The following PTPRN2 variants were observed in gnomAD, a reference collection of about 807,000 sequenced individuals.
The protein encoded by PTPRN2 is protein tyrosine phosphatase receptor type N2.
A neutral mutation model predicts 118.8 loss-of-function variants in PTPRN2; 74 were observed. That is an observed-to-expected ratio of 0.62 (90% confidence interval 0.52 to 0.76). PTPRN2 has a LOEUF of 0.76. Ranked by LOEUF, PTPRN2 falls within the 30% of genes least tolerant of loss-of-function variation. PTPRN2 has a pLI of 0.00. For synonymous variants in PTPRN2, 641 were observed against 608.0 expected, an observed-to-expected ratio of 1.05 and a Z score of -0.80; for missense variants, 1,481 against 1,394.4, an observed-to-expected ratio of 1.06 and a Z score of -0.99.
At position 157,608,620 on chromosome 7, in the gene PTPRN2, G is replaced by GA. The variant is rs1802145818; in HGVS notation, c.2345-4546_2345-4545insT. ...CCATCCAGTTCCCGAGTCCCCTAAA[G>GA]GGCAGTTTCCTTGACGTGCGAGGCC... On this transcript the variant is annotated intron_variant, in intron 15 of 22. Coordinates refer to ENST00000389418, the MANE Select transcript of PTPRN2 (RefSeq NM_002847.5). Among the ~76,000 whole-genome samples, 3 of 152,176 alleles carry GA rather than the reference G, an allele frequency of 2.0e-5. No individual in the cohort carries two copies. The South Asian group carries it at 6.2e-4, about 32-fold the overall frequency.
At chr7:158,161,282 C>T (rs1327478395) in intron 6 of PTPRN2, among the ~76,000 whole-genome samples, 1 of 152,154 alleles carries the variant, frequency 6.6e-6, no homozygotes. Flanking sequence ...TGAAGAAGAA[C>T]AAAGGCGGAG....
Position 157,785,293 on chromosome 7 carries a change from C to T in PTPRN2, c.1789-102356G>A, listed in dbSNP as rs780518598. On this transcript the variant is annotated intron_variant, in intron 12 of 22. Coordinates refer to ENST00000389418, the MANE Select transcript of PTPRN2 (RefSeq NM_002847.5). The surrounding 1 kb of genome is among the most constrained non-coding windows in gnomAD (Gnocchi z 7.3). ...CGCCAAGGCCAGTGGTGTAAATCCA[C>T]ACTCTATGGTGACGGTGGATCCACA... Among the ~76,000 whole-genome samples, 2 of 152,188 alleles carry T rather than the reference C, an allele frequency of 1.3e-5. No individual in the cohort carries two copies. Among genetic ancestry groups the T allele is most frequent in the Admixed American group, 6.5e-5 (1 of 15,288 alleles).
At chr7:158,146,834 G>A (rs935885872) in intron 6 of PTPRN2, among the ~76,000 whole-genome samples, 5 of 151,998 alleles carry the variant, frequency 3.3e-5, no homozygotes, top group Admixed American at 2.0e-4. Flanking sequence ...TGTTTTGGAG[G>A]CCAGAGAGAC....
intron 13 of PTPRN2, among the ~76,000 whole-genome samples, chr7:157,661,453 G>C (rs1055194885): frequency 7.2e-5 from 11 of 152,010 alleles, no homozygotes; most frequent in African/African-American, 2.7e-4. Flanking sequence ...CTCTCCCTGC[G>C]GGCTTCCGCC....
At chr7:157,846,342 T>G (rs1482655356) in intron 12 of PTPRN2, among the ~76,000 whole-genome samples, 1 of 151,916 alleles carries the variant, frequency 6.6e-6, no homozygotes, top group Non-Finnish European at 1.5e-5. Context: ...GAACAGTCCG[T>G]TTCTCCTTCA....
chr7:158,073,402 T>A (rs1812092145), intron 11 of PTPRN2, among the ~76,000 whole-genome samples: 1 of 152,178 alleles, frequency 6.6e-6, no homozygotes, highest in Admixed American at 6.5e-5. Context: ...TGCGTTGGCT[T>A]CAGGGCCGCA....
chr7:157,922,742 C>T (rs4716809), intron 11 of PTPRN2, among the ~76,000 whole-genome samples: 34,985 of 152,120 alleles, frequency 0.23, 4,424 homozygotes, highest in East Asian at 0.37. Context: ...CTCGATGTCA[C>T]GGCACGCTGC....
chr7:157,893,735 A>G lies in PTPRN2; in HGVS notation c.1788+4938T>C, dbSNP rs900292684. ...TGCTCGGTGAATGGGTCAGGGCTGG[A>G]GACGTAGGCTTGGGATCATCATCGA... On this transcript the variant is annotated intron_variant, in intron 12 of 22. Coordinates refer to ENST00000389418, the MANE Select transcript of PTPRN2 (RefSeq NM_002847.5). The surrounding 1 kb of genome is among the most constrained non-coding windows in gnomAD (Gnocchi z 4.0). Among the ~76,000 whole-genome samples, 1 of 152,204 alleles carries G rather than the reference A, an allele frequency of 6.6e-6. No homozygotes were observed. Among genetic ancestry groups the G allele is most frequent in the African/African-American group, 2.4e-5 (1 of 41,448 alleles).
At chr7:158,263,109 CACACTGCACACACAT>C (rs1797630017) in intron 3 of PTPRN2, among the ~76,000 whole-genome samples, 1 of 59,548 alleles carries the variant, frequency 1.7e-5, no homozygotes, top group South Asian at 3.4e-4. Context: ...ACTGCACACA[CACACTGCACACACAT>C]ACACATATAC....
At chr7:157,625,731 T>C (rs145029455) in intron 14 of PTPRN2, among the ~76,000 whole-genome samples, 2 of 152,124 alleles carry the variant, frequency 1.3e-5, no homozygotes, top group African/African-American at 4.8e-5. Flanking sequence ...TGGAAAAAAA[T>C]CATAAAAAAG....
At chr7:158,345,891 T>C (rs1343479159) in intron 2 of PTPRN2, among the ~76,000 whole-genome samples, 2 of 152,040 alleles carry the variant, frequency 1.3e-5, no homozygotes, top group Non-Finnish European at 2.9e-5. Flanking sequence ...GGGGGAGTGC[T>C]ACACTTTTAA....
At chr7:158,219,450 C>G (rs1035082872) in intron 3 of PTPRN2, among the ~76,000 whole-genome samples, 9 of 151,892 alleles carry the variant, frequency 5.9e-5, no homozygotes, top group Non-Finnish European at 1.2e-4. Context: ...CACTAAACAA[C>G]TACATCATAA....
chr7:158,111,003 C>T (rs1816212206), intron 9 of PTPRN2, 88 bp from the exon 10 acceptor site: 2 of 1,155,536 alleles, frequency 1.7e-6, no homozygotes, highest in Non-Finnish European at 1.2e-6. Context: ...AGCCCCGCTC[C>T]CTGGTCCCCA....
intron 3 of PTPRN2, among the ~76,000 whole-genome samples, chr7:158,234,377 C>T (rs1829379712): frequency 1.3e-5 from 2 of 150,854 alleles, no homozygotes; most frequent in South Asian, 4.2e-4. Flanking sequence ...CAAATAAAAA[C>T]ATACAAATGG....
At chr7:157,714,952 G>A (rs551123416) in intron 12 of PTPRN2, among the ~76,000 whole-genome samples, 293 of 152,220 alleles carry the variant, frequency 1.9e-3, no homozygotes, top group African/African-American at 6.5e-3. Flanking sequence ...TGGGTCTCCC[G>A]CTTTCCGAGG....
Position 158,517,636 on chromosome 7 carries a change from C to T in PTPRN2, c.113-27851G>A, listed in dbSNP as rs1823669102. Among the ~76,000 whole-genome samples, 4 of 152,276 alleles carry T rather than the reference C, an allele frequency of 2.6e-5. No individual in the cohort carries two copies. The South Asian group carries it at 8.3e-4, about 32-fold the overall frequency. ...TGAGCTGCAATGCCCTCAGGCAGTC[C>T]CCTGCCTTTAGGGTGGAGTCCAAGC... On this transcript the variant is annotated intron_variant, in intron 1 of 22. Coordinates refer to ENST00000389418, the MANE Select transcript of PTPRN2 (RefSeq NM_002847.5). The surrounding 1 kb of genome is among the most constrained non-coding windows in gnomAD (Gnocchi z 5.3).
intron 12 of PTPRN2, among the ~76,000 whole-genome samples, chr7:157,711,444 G>A (rs1465624194): frequency 7.6e-6 from 1 of 131,718 alleles, no homozygotes. Flanking sequence ...CCCACGCGCC[G>A]GAGGTCCGGT....
At chr7:157,761,763 A>T (rs1802144654) in intron 12 of PTPRN2, among the ~76,000 whole-genome samples, 1 of 149,538 alleles carries the variant, frequency 6.7e-6, no homozygotes, top group Admixed American at 6.6e-5. Flanking sequence ...ATCTAATTAA[A>T]CTAAAGAGCT....
intron 2 of PTPRN2, among the ~76,000 whole-genome samples, chr7:158,416,310 G>A (rs1009389384): frequency 1.3e-5 from 2 of 152,164 alleles, no homozygotes; most frequent in African/African-American, 4.8e-5. Flanking sequence ...CAACCCACAG[G>A]GATACATGGC....
Sources: allele counts gnomAD v4.1 joint callset (sites outside exome capture counted in the v4.1 genomes callset), GRCh38; gene constraint gnomAD v4.1.1; non-coding constraint Gnocchi (gnomAD v3.1); transcripts MANE v1.5; gene names NCBI Gene and HGNC (gene_info 2026-07-23, HGNC 2026-07-21).